IQCC: variants seen among roughly 807,000 people sequenced by gnomAD.
IQCC encodes IQ domain-containing protein C.
A neutral mutation model predicts 27.0 loss-of-function variants in IQCC; 23 were observed. The observed-to-expected ratio is 0.85, with a 90% CI of 0.61 to 1.21. The LOEUF is 1.21. Among genes scored for constraint, IQCC ranks in the 50% most tolerant of loss-of-function variants. The pLI is 0.00. For synonymous variants in IQCC, 220 were observed against 217.2 expected (o/e 1.01, Z -0.11); for missense variants, 552 against 562.3 (o/e 0.98, Z 0.19).
In IQCC at chr1:32,208,009, C is replaced by A; in HGVS notation, c.1328C>A (p.Ser443Tyr). 1 of 1,614,158 alleles carries A rather than the reference C, an allele frequency of 6.2e-7. No homozygotes were observed. The highest frequency in any genetic ancestry group is 1.1e-5 in the South Asian group (1 of 91,078). ...PWRSKSPEIL[S>Y]STKAGCTGEE... Reference sequence around the variant, plus strand: ...AGATCAAAGTCACCTGAGATTCTGTCTTCTACAAAGGCAGGCTGTACAGGA... The same window carrying A: ...AGATCAAAGTCACCTGAGATTCTGTATTCTACAAAGGCAGGCTGTACAGGA... Residue 443 changes from serine (S) to tyrosine (Y), a missense_variant, in exon 5 of 5, where the codon TCT becomes TAT. Physicochemically the swap from Ser to Tyr is moderately radical, Grantham distance 144. Coordinates refer to ENST00000291358, the MANE Select transcript of IQCC (RefSeq NM_018134.3).
rs1366646694 is a variant in IQCC, at chr1:32,205,822, C to G, written c.42+99C>G. ...AGCGAGATGCTACCACGTTCAGTCCCCTAACTGCGCGCCAACCTCTGGAGA... is the reference window on the plus strand; with the variant it reads ...AGCGAGATGCTACCACGTTCAGTCCGCTAACTGCGCGCCAACCTCTGGAGA... On this transcript the variant is annotated intron_variant, in intron 1 of 4. Coordinates refer to ENST00000291358, the MANE Select transcript of IQCC (RefSeq NM_018134.3). The surrounding 1 kb of genome is among the most constrained non-coding windows in gnomAD (Gnocchi z 5.6). 3 of 1,566,572 alleles carry G rather than the reference C, an allele frequency of 1.9e-6. No homozygotes were observed. In the African/African-American group the frequency reaches 4.0e-5, roughly 21 times the overall value.
intron 1 of IQCC, 96 bp from the exon 2 acceptor site, chr1:32,206,058 T>C (rs1215806890): frequency 1.9e-6 from 3 of 1,601,486 alleles, no homozygotes; most frequent in Non-Finnish European, 2.6e-6. Context: ...AGGTCCCCTC[T>C]TGCATTCGCC....
rs373839136 is a variant in IQCC at position 32,207,867 on chromosome 1, G to T, written c.1186G>T (p.Asp396Tyr). 1.1e-5 allele frequency: 18 copies of T among 1,613,972 alleles called. No homozygotes were observed. The highest frequency in any genetic ancestry group is 1.7e-5 in the Admixed American group (1 of 60,006). ...GGGGGGGCCAGAGCATAGTGTCCTC[G>T]ATCTCTGGAGGACTAAACCACCCAA... ...TLGGPEHSVL[D>Y]LWRTKPPKGQ... The change falls in exon 5 of 5, where the codon GAT (aspartate) becomes TAT (tyrosine). Residue 396 changes from aspartate (D) to tyrosine (Y), a missense_variant. By Grantham distance (160) the Asp-to-Tyr change is radical. Coordinates refer to ENST00000291358, the MANE Select transcript of IQCC (RefSeq NM_018134.3).
rs750092439 is a variant in IQCC, at chr1:32,206,493, C to T, written c.187-16C>T. 6.2e-7 allele frequency: 1 copy of T among 1,613,928 alleles called. No homozygotes were observed. The highest frequency in any genetic ancestry group is 8.5e-7 in the Non-Finnish European group (1 of 1,179,992). Reference sequence around the variant, plus strand: ...GGGTTTAGCCCTGGGGCTCTCACATCTCTCTTGTTTCTCAGAAGGCAAAAT... The same window carrying T: ...GGGTTTAGCCCTGGGGCTCTCACATTTCTCTTGTTTCTCAGAAGGCAAAAT... On this transcript the variant is annotated splice_polypyrimidine_tract_variant and intron_variant, in intron 2 of 4. Coordinates refer to ENST00000291358, the MANE Select transcript of IQCC (RefSeq NM_018134.3).
chr1:32,207,788 C>G lies in IQCC; in HGVS notation c.1107C>G (p.Val369=). ...ACAAAGAGCCTGACTGCCGAACAGT[C>G]AGGACACAAGAGTTGGGCCTCTCAG... ...LDHKEPDCRT[V]RTQELGLSED... Residue 369 remains valine (V), a synonymous_variant, in exon 5 of 5, where the codon GTC becomes GTG. Coordinates refer to ENST00000291358, the MANE Select transcript of IQCC (RefSeq NM_018134.3). 6.2e-7 allele frequency: 1 copy of G among 1,614,024 alleles called. No homozygotes were observed. The highest frequency in any genetic ancestry group is 1.1e-5 in the South Asian group (1 of 91,080).
At position 32,207,583 on chromosome 1, in the gene IQCC, G is replaced by A. The variant is rs143617865; in HGVS notation, c.902G>A (p.Gly301Glu). 973 of 1,613,306 alleles carry A rather than the reference G, an allele frequency of 6.0e-4. 4 individuals are homozygous for A. The highest frequency in any genetic ancestry group is 8.0e-4 in the Non-Finnish European group (943 of 1,179,758). ...SQALGDRLTK[G>E]PDDGRQTFGG... ...GCCTTGGGGGACAGGCTCACCAAAGGGCCAGACGATGGAAGACAGACCTTT... is the reference window on the plus strand; with the variant it reads ...GCCTTGGGGGACAGGCTCACCAAAGAGCCAGACGATGGAAGACAGACCTTT... Residue 301 changes from glycine to glutamate, a missense_variant, in exon 5 of 5, where the codon GGG (glycine) becomes GAG (glutamate). Physicochemically the swap from Gly to Glu is moderately conservative, Grantham distance 98. Coordinates refer to ENST00000291358, the MANE Select transcript of IQCC (RefSeq NM_018134.3).
Position 32,205,705 on chromosome 1 carries a change from G to A in IQCC, c.24G>A (p.Arg8=), listed in dbSNP as rs1172267277. Residue 8 remains arginine, a synonymous_variant, in exon 1 of 5, where the codon CGG becomes CGA. Transcript: ENST00000291358. The surrounding 1 kb of genome is among the most constrained non-coding windows in gnomAD (Gnocchi z 5.6). ...CCATGGAGCCAGAGCTGCTGGTTCG[G>A]AAGGTGTCTGCATTGCAGGTGCGGG... MEPELLV[R]KVSALQACVR... 2 of 1,609,732 alleles carry A rather than the reference G, an allele frequency of 1.2e-6. No homozygotes were observed. Among genetic ancestry groups the A allele is most frequent in the Non-Finnish European group, 1.7e-6 (2 of 1,178,242 alleles).
intron 2 of IQCC, 104 bp downstream of exon 2, chr1:32,206,401 T>A: frequency 1.3e-6 from 2 of 1,597,094 alleles, no homozygotes; most frequent in Non-Finnish European, 1.7e-6. Context: ...TAGACTCACC[T>A]CCTCACACCC....
rs770153439 is a variant in IQCC, at chr1:32,207,062, G to A, written c.500G>A (p.Arg167His). 46 of 1,613,288 alleles carry A rather than the reference G, an allele frequency of 2.9e-5. No homozygotes were observed. Among genetic ancestry groups the A allele is most frequent in the Non-Finnish European group, 3.4e-5 (40 of 1,179,660 alleles). ...CAGCTTCAAGAGCTTCAGTACCACCGCAGCCACTTGGCCATGGAATTGCTG... is the reference window on the plus strand; with the variant it reads ...CAGCTTCAAGAGCTTCAGTACCACCACAGCCACTTGGCCATGGAATTGCTG... ...QPQLQELQYH[R>H]SHLAMELLWL... The change falls in exon 4 of 5, where the codon CGC (arginine) becomes CAC (histidine). Residue 167 changes from arginine (R) to histidine (H), a missense_variant. Physicochemically the swap from Arg to His is conservative, Grantham distance 29 (BLOSUM62 0). Transcript: ENST00000291358.
intron 1 of IQCC, 85 bp from the exon 2 acceptor site, chr1:32,206,069 G>A: frequency 6.2e-7 from 1 of 1,602,002 alleles, no homozygotes; most frequent in Non-Finnish European, 8.5e-7. Flanking sequence ...TGCATTCGCC[G>A]GGACGACCTC....
Position 32,208,545 on chromosome 1 carries a change from A to AG in IQCC, c.*464dup. On this transcript the variant is annotated 3_prime_UTR_variant, in exon 5 of 5. Coordinates refer to ENST00000291358, the MANE Select transcript of IQCC (RefSeq NM_018134.3). The stretch of plus-strand genomic sequence containing the variant: ...CTTGAACCCAGGAGATGGAGATTGC[A>AG]GTAGGCCAAGATGATGCCACTGCAC... The AG allele has an allele frequency of 5.8e-6, 1 of 171,462 alleles. No individual in the cohort carries two copies. Among genetic ancestry groups the AG allele is most frequent in the East Asian group, 1.6e-4 (1 of 6,280 alleles). The allele number at this position is 171,462 out of a possible 1,614,324, so 10.6% of individuals were successfully genotyped here. A position where few individuals can be genotyped will look rare whatever the true frequency, so the allele number is the denominator to read the frequency against.
At position 32,208,519 on chromosome 1, in the gene IQCC, G is replaced by T. The variant is rs903558449; in HGVS notation, c.*437G>T. ...CTCGGGAGGCTGAGACAGGAGAATC[G>T]CTTGAACCCAGGAGATGGAGATTGC... is the stretch of plus-strand genomic sequence containing the variant. On this transcript the variant is annotated 3_prime_UTR_variant, in exon 5 of 5. Coordinates refer to ENST00000291358, the MANE Select transcript of IQCC (RefSeq NM_018134.3). 1 of 171,714 alleles carries T rather than the reference G, an allele frequency of 5.8e-6. No homozygotes were observed. Among genetic ancestry groups the T allele is most frequent in the Non-Finnish European group, 1.3e-5 (1 of 79,206 alleles). 10.6% of individuals were successfully genotyped at this position (171,714 alleles called of 1,614,324 possible).
In IQCC at chr1:32,207,796, A is replaced by T. The variant is rs983518551; in HGVS notation, c.1115A>T (p.Gln372Leu). The T allele has an allele frequency of 6.2e-7, 1 of 1,613,932 alleles. No individual in the cohort carries two copies. Among genetic ancestry groups the T allele is most frequent in the Non-Finnish European group, 8.5e-7 (1 of 1,180,012 alleles). ...KEPDCRTVRTQELGLSEDHII... is the reference protein window; with the variant it reads ...KEPDCRTVRTLELGLSEDHII... ...CCTGACTGCCGAACAGTCAGGACAC[A>T]AGAGTTGGGCCTCTCAGAGGACCAC... The change falls in exon 5 of 5, where the codon CAA (glutamine) becomes CTA (leucine). Residue 372 changes from glutamine to leucine, a missense_variant. Transcript: ENST00000291358.
Position 32,205,729 on chromosome 1 carries a change from G to T in IQCC, c.42+6G>T, listed in dbSNP as rs541287489. On this transcript the variant is annotated splice_donor_region_variant and intron_variant, in intron 1 of 4. Transcript: ENST00000291358. The surrounding 1 kb of genome is among the most constrained non-coding windows in gnomAD (Gnocchi z 5.6). Reference sequence around the variant, plus strand: ...GGAAGGTGTCTGCATTGCAGGTGCGGGGGCGGGCGCGGGGTTCACAGGATT... The same window carrying T: ...GGAAGGTGTCTGCATTGCAGGTGCGTGGGCGGGCGCGGGGTTCACAGGATT... 5 of 1,612,112 alleles carry T rather than the reference G, an allele frequency of 3.1e-6. No homozygotes were observed. The South Asian group carries it at 3.3e-5, about 11-fold the overall frequency.
chr1:32,206,040 C>T, intron 1 of IQCC, 114 bp from the exon 2 acceptor site: 3 of 1,598,932 alleles, frequency 1.9e-6, no homozygotes, highest in Non-Finnish European at 1.7e-6. Flanking sequence ...TATCCTTTCC[C>T]CGCCGTCAGG....
rs1174617853 is a variant in IQCC at position 32,207,728 on chromosome 1, A to G, written c.1047A>G (p.Ser349=). ...AGCTGTCTGCACTCTATGAGGACTC[A>G]AATATTAAGGAGATGTCTCCCAGAA... The part of the protein sequence containing the change: ...RTQLSALYED[S]NIKEMSPRKL... Residue 349 remains serine, a synonymous_variant, in exon 5 of 5, where the codon TCA becomes TCG. Coordinates refer to ENST00000291358, the MANE Select transcript of IQCC (RefSeq NM_018134.3). 1 of 1,613,880 alleles carries G rather than the reference A, an allele frequency of 6.2e-7. No individual in the cohort carries two copies. Among genetic ancestry groups the G allele is most frequent in the Non-Finnish European group, 8.5e-7 (1 of 1,180,048 alleles).
rs1209906568 is a variant in IQCC, at chr1:32,207,577, C to G, written c.896C>G (p.Thr299Ser). The G allele has an allele frequency of 6.2e-7, 1 of 1,612,892 alleles. No homozygotes were observed. Among genetic ancestry groups the G allele is most frequent in the African/African-American group, 1.3e-5 (1 of 74,818 alleles). ...SNSQALGDRL[T>S]KGPDDGRQTF... Reference sequence around the variant, plus strand: ...AGCCAGGCCTTGGGGGACAGGCTCACCAAAGGGCCAGACGATGGAAGACAG... The same window carrying G: ...AGCCAGGCCTTGGGGGACAGGCTCAGCAAAGGGCCAGACGATGGAAGACAG... The change falls in exon 5 of 5, where the codon ACC becomes AGC. Residue 299 changes from threonine to serine, a missense_variant. Thr to Ser is a moderately conservative substitution (Grantham distance 58). Coordinates refer to ENST00000291358, the MANE Select transcript of IQCC (RefSeq NM_018134.3).
At position 32,207,614 on chromosome 1, in the gene IQCC, G is replaced by A. The variant is rs199563245; in HGVS notation, c.933G>A (p.Gly311=). Residue 311 remains glycine, a synonymous_variant, in exon 5 of 5, where the codon GGG becomes GGA. Transcript: ENST00000291358. ...ACGATGGAAGACAGACCTTTGGAGGGACCTGCCTGCTGCAGATGAAAATCC... is the reference window on the plus strand; with the variant it reads ...ACGATGGAAGACAGACCTTTGGAGGAACCTGCCTGCTGCAGATGAAAATCC... ...GPDDGRQTFG[G]TCLLQMKILE... is the part of the protein sequence containing the mutation. 2.0e-5 allele frequency: 33 copies of A among 1,613,898 alleles called. No individual in the cohort carries two copies. The African/African-American group carries it at 4.3e-4, about 21-fold the overall frequency.
Position 32,207,228 on chromosome 1 carries a change from C to T in IQCC, c.559-12C>T, listed in dbSNP as rs1161690305. 2 of 1,613,792 alleles carry T rather than the reference C, an allele frequency of 1.2e-6. No individual in the cohort carries two copies. The highest frequency in any genetic ancestry group is 8.5e-7 in the Non-Finnish European group (1 of 1,179,774). On this transcript the variant is annotated splice_polypyrimidine_tract_variant and intron_variant, in intron 4 of 4. Coordinates refer to ENST00000291358, the MANE Select transcript of IQCC (RefSeq NM_018134.3). ...GCCTGCTTGGTACAATGTATGTTCT[C>T]TCCCCCAACAGTACCTACTTCTTAA...
Sources: allele counts gnomAD v4.1 joint callset, GRCh38; gene constraint gnomAD v4.1.1; non-coding constraint Gnocchi (gnomAD v3.1); transcripts MANE v1.5; gene names NCBI Gene and HGNC (gene_info 2026-07-23, HGNC 2026-07-21).